Variants in CHID1 observed in about 807,000 individuals in gnomAD.
The protein encoded by CHID1 is chitinase domain-containing protein 1.
Under a neutral mutation model 55.4 loss-of-function variants are expected in CHID1, and 44 were observed. The ratio of observed to expected loss-of-function variants is 0.79; its 90% CI spans 0.62 to 1.02. The LOEUF (loss-of-function observed/expected upper bound fraction) is 1.02, where lower values mean the gene tolerates loss of function less well. Ranked by LOEUF, CHID1 falls within the 50% of genes least tolerant of loss-of-function variation. The pLI, the probability that CHID1 is intolerant of heterozygous loss-of-function variation, is 0.00. For synonymous variants in CHID1, 216 were observed against 212.9 expected (o/e 1.01, Z -0.13); for missense variants, 491 against 515.3 (o/e 0.95, Z 0.46).
chr11:891,935 T>C (rs1555010294), intron 8 of CHID1, among the ~76,000 whole-genome samples: 2 of 78,688 alleles, frequency 2.5e-5, no homozygotes, highest in Admixed American at 1.6e-4. Context: ...AAAACCTCAT[T>C]TCCAAAAAAA....
chr11:910,937 T>TCGGGGC (rs1241404096), upstream of CHID1: 4,845 of 592,340 alleles, frequency 8.2e-3, 199 homozygotes, highest in African/African-American at 0.085. Context: ...TGCCCGAAAG[T>TCGGGGC]CGGGGCCGGG....
At chr11:910,179 T>G (rs1589917878) in intron 1 of CHID1, among the ~76,000 whole-genome samples, 1 of 152,036 alleles carries the variant, frequency 6.6e-6, no homozygotes, top group African/African-American at 2.4e-5. Context: ...CGGGTCACCC[T>G]CCAGTTTGGA....
intron 10 of CHID1, among the ~76,000 whole-genome samples, chr11:880,457 G>A (rs1237300213): frequency 2.0e-5 from 3 of 152,196 alleles, no homozygotes; most frequent in Non-Finnish European, 1.5e-5. Flanking sequence ...GAGTGTGCAC[G>A]TAGAGTGTCG....
intron 2 of CHID1, among the ~76,000 whole-genome samples, chr11:903,470 C>T (rs535756977): frequency 4.6e-5 from 7 of 152,342 alleles, no homozygotes; most frequent in African/African-American, 1.4e-4. Flanking sequence ...CAGGGCCATA[C>T]GCTTTGCTGG....
At chr11:910,891 A>T, upstream of CHID1, 3 of 1,029,164 alleles carry the variant, frequency 2.9e-6, 1 homozygote, top group South Asian at 6.7e-5. Flanking sequence ...GCTGGGATGG[A>T]GAGGGGCTGG....
rs769049099 is a variant in CHID1 at position 870,137 on chromosome 11, A to T, written c.1067T>A (p.Phe356Tyr). 1.2e-6 allele frequency: 2 copies of T among 1,613,040 alleles called. No individual in the cohort carries two copies. Among genetic ancestry groups the T allele is most frequent in the East Asian group, 2.2e-5 (1 of 44,884 alleles). Reference sequence around the variant, plus strand: ...CACACGCACCTTCAGGGTTGGGTAGAAGACGACGTGCCTCCCACTGCGGCT... The same window carrying T: ...CACACGCACCTTCAGGGTTGGGTAGTAGACGACGTGCCTCCCACTGCGGCT... ...KKSRSGRHVVFYPTLKSLQVR... is the reference protein window; with the variant it reads ...KKSRSGRHVVYYPTLKSLQVR... The change falls in exon 12 of 13, where the codon TTC (phenylalanine) becomes TAC (tyrosine). Residue 356 changes from phenylalanine to tyrosine, a missense_variant. Physicochemically the swap from Phe to Tyr is conservative, Grantham distance 22. Coordinates refer to ENST00000323578, the MANE Select transcript of CHID1 (RefSeq NM_023947.4).
intron 6 of CHID1, 89 bp downstream of exon 6, chr11:899,915 G>A (rs182316832): frequency 9.5e-5 from 83 of 873,150 alleles, no homozygotes; most frequent in Admixed American, 5.3e-4. Context: ...CAGAAAAGCC[G>A]AGTGGAGGCC....
At position 893,501 on chromosome 11, in the gene CHID1, G is replaced by A. The variant is rs1172885576; in HGVS notation, c.627C>T (p.Leu209=). 5 of 1,550,878 alleles carry A rather than the reference G, an allele frequency of 3.2e-6. No individual in the cohort carries two copies. The highest frequency in any genetic ancestry group is 2.4e-5 in the East Asian group (1 of 41,146). Residue 209 remains leucine (L), a synonymous_variant, in exon 8 of 13, where the codon CTC becomes CTT. Transcript: ENST00000323578. ...GGTGCAGAGCCTCGGCCAAGTGGGTGAGCATGTGGATGAGGCCCCTGCAAG... is the reference window on the plus strand; with the variant it reads ...GGTGCAGAGCCTCGGCCAAGTGGGTAAGCATGTGGATGAGGCCCCTGCAAG... ...SQKRVGLIHM[L]THLAEALHQA...
chr11:903,215 C>A, intron 2 of CHID1, 104 bp from the exon 3 acceptor site: 1 of 1,201,132 alleles, frequency 8.3e-7, no homozygotes, highest in South Asian at 1.4e-5. Context: ...AGCCGAGTCT[C>A]TGGATCCACA....
chr11:894,657 G>A (rs1851124181), intron 7 of CHID1, among the ~76,000 whole-genome samples: 1 of 152,204 alleles, frequency 6.6e-6, no homozygotes, highest in Non-Finnish European at 1.5e-5. Flanking sequence ...CAGGAGGACT[G>A]AGAGTGGGGC....
At chr11:903,463 G>A (rs1233979360) in intron 2 of CHID1, among the ~76,000 whole-genome samples, 1 of 152,226 alleles carries the variant, frequency 6.6e-6, no homozygotes, top group Non-Finnish European at 1.5e-5. Flanking sequence ...GGCACTCCAG[G>A]GCCATACGCT....
rs1027335145 is a variant in CHID1, at chr11:899,857, C to T, written c.546+147G>A. ...GCAGCCTGAGCCTGGCTGATGCTGC[C>T]TTCCCTGGAAGATGGGGGCTGCACC... is the stretch of plus-strand genomic sequence containing the variant. On this transcript the variant is annotated intron_variant, in intron 6 of 12. Transcript: ENST00000323578. 8 of 621,486 alleles carry T rather than the reference C, an allele frequency of 1.3e-5. No homozygotes were observed. The Admixed American group carries it at 2.0e-4, about 15-fold the overall frequency. The allele number at this position is 621,486 out of a possible 1,614,324, so 38.5% of individuals were successfully genotyped here.
intron 12 of CHID1, 33 bp from the exon 13 acceptor site, chr11:869,989 G>A (rs886359843): frequency 2.5e-6 from 4 of 1,607,424 alleles, no homozygotes; most frequent in Non-Finnish European, 3.4e-6. Context: ...GCACCTGCTG[G>A]GGCCTGTCCC....
At chr11:904,249 A>G (rs987129605) in intron 2 of CHID1, among the ~76,000 whole-genome samples, 2 of 152,240 alleles carry the variant, frequency 1.3e-5, no homozygotes, top group Non-Finnish European at 2.9e-5. Flanking sequence ...GGCCAGCGGC[A>G]TGGGGACTGC....
intron 6 of CHID1, 84 bp downstream of exon 6, chr11:899,920 G>A: frequency 1.1e-6 from 1 of 918,552 alleles, no homozygotes; most frequent in Non-Finnish European, 1.7e-6. Flanking sequence ...AAGCCGAGTG[G>A]AGGCCTCGCG....
chr11:915,147 G>A (rs1852865447), upstream of CHID1: 1 of 152,846 alleles, frequency 6.5e-6, no homozygotes, highest in African/African-American at 2.4e-5. Context: ...AGCAGGAGGG[G>A]GAAGTGGCAC....
intron 7 of CHID1, among the ~76,000 whole-genome samples, chr11:893,897 C>A (rs966936285): frequency 3.3e-5 from 5 of 151,654 alleles, no homozygotes; most frequent in African/African-American, 1.2e-4. Flanking sequence ...CTTGGGAGGC[C>A]GAGGTGGGCA....
chr11:902,664 G>T (rs963203343), intron 3 of CHID1, among the ~76,000 whole-genome samples: 1 of 121,368 alleles, frequency 8.2e-6, no homozygotes, highest in African/African-American at 2.6e-5. Flanking sequence ...CCCCTCCCTG[G>T]CCCAGGGTTG....
chr11:876,330 G>A (rs1456440519), intron 10 of CHID1, among the ~76,000 whole-genome samples: 2 of 152,200 alleles, frequency 1.3e-5, no homozygotes, highest in African/African-American at 2.4e-5. Context: ...CACCTGTCCA[G>A]GGCAGGACCA....
Sources: gnomAD v4.1 joint callset for allele counts (sites outside exome capture counted in the v4.1 genomes callset) on GRCh38, gnomAD v4.1.1 for gene constraint, MANE v1.5 for transcripts, NCBI Gene and HGNC (gene_info 2026-07-23, HGNC 2026-07-21) for gene names.